LDLRAD4: variants seen among roughly 807,000 people sequenced by gnomAD.
LDLRAD4 encodes the protein low density lipoprotein receptor class A domain containing 4, also known as low-density lipoprotein receptor class A domain-containing protein 4.
A neutral mutation model predicts 17.0 loss-of-function variants in LDLRAD4; 5 were observed. The ratio of observed to expected loss-of-function variants is 0.29; its 90% CI spans 0.15 to 0.62. The LOEUF is 0.62. Ranked by LOEUF, LDLRAD4 falls within the 20% of genes least tolerant of loss-of-function variation. The pLI, the probability that LDLRAD4 is intolerant of heterozygous loss-of-function variation, is 0.84. For missense variants in LDLRAD4, 340 were observed against 424.7 expected (o/e 0.80, Z 1.75); for synonymous variants, 168 against 171.8 (o/e 0.98, Z 0.17).
At chr18:13,287,188 G>A (rs1339568424) in intron 1 of LDLRAD4, among the ~76,000 whole-genome samples, 1 of 152,172 alleles carries the variant, frequency 6.6e-6, no homozygotes, top group Non-Finnish European at 1.5e-5. Context: ...CCTCTGGAGA[G>A]CAGGAGAAGT....
At chr18:13,567,199 C>G (rs2094615028) in intron 3 of LDLRAD4, among the ~76,000 whole-genome samples, 1 of 152,172 alleles carries the variant, frequency 6.6e-6, no homozygotes, top group Admixed American at 6.5e-5. Flanking sequence ...CGTGCATGTG[C>G]TTTTGTGGGT....
chr18:13,481,377 G>A (rs113372357), intron 3 of LDLRAD4, among the ~76,000 whole-genome samples: 5 of 152,194 alleles, frequency 3.3e-5, no homozygotes, highest in African/African-American at 1.2e-4. Context: ...TGGACAGAAG[G>A]GGTGATTCAG....
chr18:13,493,770 C>T (rs933690015), intron 3 of LDLRAD4, among the ~76,000 whole-genome samples: 1 of 152,156 alleles, frequency 6.6e-6, no homozygotes, highest in African/African-American at 2.4e-5. Context: ...TCATCCGTGG[C>T]TGGGAAGAGG....
At position 13,387,776 on chromosome 18, in the gene LDLRAD4, A is replaced by T. The variant is rs191881644; in HGVS notation, c.40+14A>T. On this transcript the variant is annotated intron_variant, in intron 2 of 5. Coordinates refer to ENST00000359446, the Ensembl canonical transcript of LDLRAD4. Reference sequence around the variant, plus strand: ...ATGCTTTCACAGGTGAGCATGCTCCAGGTAATCCGAGGCTTTGCCTCCACT... The same window carrying T: ...ATGCTTTCACAGGTGAGCATGCTCCTGGTAATCCGAGGCTTTGCCTCCACT... 402 of 1,612,194 alleles carry T rather than the reference A, an allele frequency of 2.5e-4. No homozygotes were observed. In the African/African-American group the frequency reaches 4.8e-3, roughly 19 times the overall value.
intron 1 of LDLRAD4, among the ~76,000 whole-genome samples, chr18:13,271,330 C>T (rs964419375): frequency 6.6e-6 from 1 of 152,208 alleles, no homozygotes; most frequent in Non-Finnish European, 1.5e-5. Flanking sequence ...ATTTCTTTGG[C>T]ATCGTGACGT....
At chr18:13,610,257 A>T (rs1236120515) in intron 3 of LDLRAD4, among the ~76,000 whole-genome samples, 1 of 122,448 alleles carries the variant, frequency 8.2e-6, no homozygotes, top group Admixed American at 8.2e-5. Context: ...AAGTTCACCA[A>T]AGCCCTAATT....
intron 1 of LDLRAD4, among the ~76,000 whole-genome samples, chr18:13,296,871 G>A (rs981314889): frequency 2.0e-5 from 3 of 152,148 alleles, no homozygotes; most frequent in Non-Finnish European, 4.4e-5. Context: ...TGACCACACA[G>A]CTGTGTGAGG....
intron 1 of LDLRAD4, among the ~76,000 whole-genome samples, chr18:13,322,206 A>G (rs2081285184): frequency 6.6e-6 from 1 of 151,774 alleles, no homozygotes; most frequent in Admixed American, 6.6e-5. Flanking sequence ...TTTTTTATGT[A>G]AGGACTTTTA....
rs191391048 is a variant in LDLRAD4 at position 13,419,097 on chromosome 18, G to A, written c.41-19147G>A. The stretch of plus-strand genomic sequence containing the variant: ...GGCTATATTTATAGAATCATTAAGG[G>A]TCTGAAGGAGTTCCTTAAATTTTTA... On this transcript the variant is annotated intron_variant, in intron 2 of 5. Coordinates refer to ENST00000359446, the Ensembl canonical transcript of LDLRAD4. Among the ~76,000 whole-genome samples the A allele has an allele frequency of 1.4e-3, 207 of 152,260 alleles. 1 individual carries two copies. Among genetic ancestry groups the A allele is most frequent in the African/African-American group, 4.9e-3 (202 of 41,536 alleles).
intron 1 of LDLRAD4, among the ~76,000 whole-genome samples, chr18:13,304,266 C>T (rs182310252): frequency 1.3e-5 from 2 of 152,270 alleles, no homozygotes; most frequent in Non-Finnish European, 2.9e-5. Context: ...AAAGGTGGTT[C>T]CTCTGTAGAA....
chr18:13,324,109 G>C (rs543499898), intron 1 of LDLRAD4, among the ~76,000 whole-genome samples: 1 of 151,770 alleles, frequency 6.6e-6, no homozygotes, highest in South Asian at 2.1e-4. Flanking sequence ...ACACGTGCGT[G>C]GCTCCATTAA....
At chr18:13,472,838 A>G (rs111538987) in intron 3 of LDLRAD4, 57 of 152,378 alleles carry the variant, frequency 3.7e-4, no homozygotes, top group African/African-American at 1.3e-3. Context: ...CATAGTTAAC[A>G]GCGAGCACAT....
intron 1 of LDLRAD4, among the ~76,000 whole-genome samples, chr18:13,305,549 G>A (rs573302861): frequency 1.7e-3 from 261 of 152,228 alleles, no homozygotes; most frequent in Middle Eastern, 6.8e-3. Flanking sequence ...CATAAGCCTC[G>A]AAGAGCAACA....
chr18:13,232,143 G>A (rs1598791198), intron 1 of LDLRAD4, among the ~76,000 whole-genome samples: 2 of 152,236 alleles, frequency 1.3e-5, no homozygotes, highest in East Asian at 3.8e-4. Context: ...AGTGTGGCGC[G>A]AGTACGGTGC....
chr18:13,478,293 A>G (rs1302898792), intron 3 of LDLRAD4, among the ~76,000 whole-genome samples: 1 of 152,192 alleles, frequency 6.6e-6, no homozygotes, highest in East Asian at 1.9e-4. Flanking sequence ...GGTGATGAAT[A>G]TACACATCCA....
intron 3 of LDLRAD4, chr18:13,612,453 T>C: frequency 7.8e-7 from 1 of 1,290,260 alleles, no homozygotes; most frequent in Non-Finnish European, 9.8e-7. Flanking sequence ...GTAGCCACAG[T>C]CTGCGGTCGG....
chr18:13,455,369 C>T (rs1363277517), intron 3 of LDLRAD4, among the ~76,000 whole-genome samples: 1 of 152,168 alleles, frequency 6.6e-6, no homozygotes, highest in Non-Finnish European at 1.5e-5. Context: ...CAAATAGTCA[C>T]CTGCAATTCA....
At chr18:13,519,188 A>G (rs2093915896) in intron 3 of LDLRAD4, among the ~76,000 whole-genome samples, 1 of 152,074 alleles carries the variant, frequency 6.6e-6, no homozygotes, top group African/African-American at 2.4e-5. Flanking sequence ...ACTTTTTCTT[A>G]CTGTCATTTT....
rs113236865 is a variant in LDLRAD4 at position 13,233,993 on chromosome 18, T to G, written c.-467+15005T>G. Among the ~76,000 whole-genome samples the G allele has an allele frequency of 0.031, 4,653 of 152,250 alleles. 340 individuals carry two copies. The East Asian group carries it at 0.32, about 10-fold the overall frequency. On this transcript the variant is annotated intron_variant, in intron 1 of 5. Transcript: ENST00000399848. ...AGGCCACACATCTCAGACACTTCTT[T>G]CGTCACCTTTTCCCATGGCCCAGTG... is the stretch of plus-strand genomic sequence containing the variant.
Sources: allele counts gnomAD v4.1 joint callset (sites outside exome capture counted in the v4.1 genomes callset), GRCh38; gene constraint gnomAD v4.1.1; transcripts MANE v1.5; gene names NCBI Gene and HGNC (gene_info 2026-07-23, HGNC 2026-07-21).